CBFA2T3: variants seen among roughly 807,000 people sequenced by gnomAD.
CBFA2T3 encodes the protein transcriptional corepressor CBFA2T3.
A neutral mutation model predicts 58.6 loss-of-function variants in CBFA2T3; 31 were observed. The observed-to-expected ratio is 0.53, with a 90% CI of 0.40 to 0.71. The LOEUF (loss-of-function observed/expected upper bound fraction) is 0.71, where lower values mean the gene tolerates loss of function less well. CBFA2T3 is among the 30% of genes least tolerant of loss of function. The probability of loss-of-function intolerance (pLI) is 0.00; values close to 1 mark genes in which losing one functional copy is unlikely to be tolerated. For synonymous variants in CBFA2T3, 531 were observed against 421.9 expected, an observed-to-expected ratio of 1.26 and a Z score of -3.17; for missense variants, 1,076 against 963.1, an observed-to-expected ratio of 1.12 and a Z score of -1.55.
At chr16:88,974,534 G>A (rs764300937) in intron 1 of CBFA2T3, among the ~76,000 whole-genome samples, 1 of 152,122 alleles carries the variant, frequency 6.6e-6, no homozygotes, top group African/African-American at 2.4e-5. Context: ...TCTCCTGCCC[G>A]CCACCAAACG....
chr16:88,890,291 G>A (rs891010009), intron 5 of CBFA2T3, among the ~76,000 whole-genome samples: 2 of 152,152 alleles, frequency 1.3e-5, no homozygotes, highest in South Asian at 2.1e-4. Flanking sequence ...TACAGAAACC[G>A]AAGCACAGAG....
At chr16:88,918,811 G>A (rs74390031) in intron 1 of CBFA2T3, among the ~76,000 whole-genome samples, 1 of 152,334 alleles carries the variant, frequency 6.6e-6, no homozygotes, top group East Asian at 1.9e-4. Flanking sequence ...GGAGCCACAC[G>A]GCCTCCAGGG....
Position 88,875,375 on chromosome 16 carries a change from A to G in CBFA2T3, c.*1601T>C, listed in dbSNP as rs1054364189. On this transcript the variant is annotated 3_prime_UTR_variant, in exon 12 of 12. Transcript: ENST00000268679. The stretch of plus-strand genomic sequence containing the variant: ...TGGAGGATGGGAGGGAGCACGTCTG[A>G]TAGAAAACGTCACCGAGACACACCC... 1.2e-4 allele frequency: 27 copies of G among 233,426 alleles called. No individual in the cohort carries two copies. The highest frequency in any genetic ancestry group is 5.7e-4 in the African/African-American group (26 of 45,278). The allele number at this position is 233,426 out of a possible 1,614,324, so 14.5% of individuals were successfully genotyped here.
At chr16:88,935,258 T>C (rs887101119) in intron 1 of CBFA2T3, among the ~76,000 whole-genome samples, 1 of 152,196 alleles carries the variant, frequency 6.6e-6, no homozygotes, top group Non-Finnish European at 1.5e-5. Context: ...CCATGTCCAC[T>C]GCGCTCTGAG....
Position 88,891,954 on chromosome 16 carries a change from G to C in CBFA2T3, c.639C>G (p.Ile213Met). The change falls in exon 5 of 12, where the codon ATC becomes ATG. Residue 213 changes from isoleucine (I) to methionine (M), a missense_variant. Coordinates refer to ENST00000268679, the MANE Select transcript of CBFA2T3 (RefSeq NM_005187.6). Reference protein sequence around the residue: ...VLGLVNSTLTIEEFHSKLQEA... With the variant: ...VLGLVNSTLTMEEFHSKLQEA... ...CCTGAAGCTTGGAATGAAACTCCTC[G>C]ATCGTCAATGTCGAGTTCTGCAGGG... 6.2e-7 allele frequency: 1 copy of C among 1,612,986 alleles called. No homozygotes were observed. Among genetic ancestry groups the C allele is most frequent in the Non-Finnish European group, 8.5e-7 (1 of 1,179,562 alleles).
chr16:88,914,792 A>T (rs1301473138), intron 1 of CBFA2T3, among the ~76,000 whole-genome samples: 1 of 152,170 alleles, frequency 6.6e-6, no homozygotes, highest in Non-Finnish European at 1.5e-5. Context: ...CTGGAGTGAA[A>T]AATCTTCCCT....
intron 1 of CBFA2T3, among the ~76,000 whole-genome samples, chr16:88,956,022 A>C (rs117749533): frequency 0.032 from 3,796 of 120,166 alleles, 80 homozygotes; most frequent in Middle Eastern, 0.19. Flanking sequence ...CCACCCAAGG[A>C]TCCTGACCCC....
At position 88,927,713 on chromosome 16, in the gene CBFA2T3, T is replaced by G. The variant is rs148484451; in HGVS notation, c.152-26057A>C. Reference sequence around the variant, plus strand: ...TGCCTGGGATGATCCCCCTTCCGCCTCCTCCTCCCCAGGCCCCGGAGGCCC... The same window carrying G: ...TGCCTGGGATGATCCCCCTTCCGCCGCCTCCTCCCCAGGCCCCGGAGGCCC... On this transcript the variant is annotated intron_variant, in intron 1 of 11. Transcript: ENST00000268679. Among the ~76,000 whole-genome samples, 939 of 152,114 alleles carry G rather than the reference T, an allele frequency of 6.2e-3. 14 individuals are homozygous for G. The highest frequency in any genetic ancestry group is 0.021 in the African/African-American group (881 of 41,474).
At chr16:88,964,802 C>A (rs544601975) in intron 1 of CBFA2T3, among the ~76,000 whole-genome samples, 142 of 151,366 alleles carry the variant, frequency 9.4e-4, no homozygotes, top group Middle Eastern at 3.4e-3. Context: ...ATCTATCCAT[C>A]CAGTCACCCA....
chr16:88,896,506 C>G (rs1009967480), intron 3 of CBFA2T3, among the ~76,000 whole-genome samples: 1 of 152,210 alleles, frequency 6.6e-6, no homozygotes, highest in Non-Finnish European at 1.5e-5. Flanking sequence ...CTCTCGCCTT[C>G]TGAGCCTCTG....
Position 88,976,736 on chromosome 16 carries a change from C to T in CBFA2T3, c.72G>A (p.Gln24=), listed in dbSNP as rs1425453579. 3.2e-6 allele frequency: 5 copies of T among 1,557,686 alleles called. No individual in the cohort carries two copies. The highest frequency in any genetic ancestry group is 4.3e-6 in the Non-Finnish European group (5 of 1,150,652). Residue 24 remains glutamine, a synonymous_variant, in exon 1 of 12, where the codon CAG becomes CAA. Coordinates refer to ENST00000268679, the MANE Select transcript of CBFA2T3 (RefSeq NM_005187.6). ...ASGSTCGSMS[Q]THPVLESGLL... ...GGCCGCTCTCCAGCACAGGGTGCGT[C>T]TGGGACATGGAGCCACAGGTGGATC...
intron 3 of CBFA2T3, among the ~76,000 whole-genome samples, chr16:88,897,759 C>T (rs189753162): frequency 1.5e-4 from 23 of 152,350 alleles, no homozygotes; most frequent in Non-Finnish European, 2.9e-4. Flanking sequence ...GACAGTGTCT[C>T]GCCCCTCCCC....
intron 1 of CBFA2T3, among the ~76,000 whole-genome samples, chr16:88,968,037 T>G (rs1972557952): frequency 6.6e-6 from 1 of 152,252 alleles, no homozygotes; most frequent in African/African-American, 2.4e-5. Context: ...CTAAAGTGAC[T>G]GAAATTCTGT....
chr16:88,931,259 C>G (rs1309939530), intron 1 of CBFA2T3, among the ~76,000 whole-genome samples: 2 of 152,096 alleles, frequency 1.3e-5, no homozygotes, highest in Non-Finnish European at 2.9e-5. Context: ...ACTGCTGTGA[C>G]TCCAGCCCTG....
chr16:88,976,051 G>T (rs932281030), intron 1 of CBFA2T3, among the ~76,000 whole-genome samples: 1 of 152,222 alleles, frequency 6.6e-6, no homozygotes, highest in African/African-American at 2.4e-5. Context: ...CTCGGGTGGG[G>T]GGTATCAGCA....
chr16:88,888,579 G>GGGGCTACTCCCT (rs1969490484), intron 5 of CBFA2T3, among the ~76,000 whole-genome samples: 1 of 59,006 alleles, frequency 1.7e-5, no homozygotes, highest in Non-Finnish European at 3.3e-5. Flanking sequence ...GGGGTGGGAG[G>GGGGCTACTCCCT]GGGTGGGGTG....
chr16:88,889,809 G>A (rs1969551357), intron 5 of CBFA2T3, among the ~76,000 whole-genome samples: 1 of 141,724 alleles, frequency 7.1e-6, no homozygotes, highest in Non-Finnish European at 1.5e-5. Flanking sequence ...CTCCTCCAGG[G>A]ACACTTCAAA....
At chr16:88,906,306 AT>A (rs1970330783) in intron 1 of CBFA2T3, among the ~76,000 whole-genome samples, 1 of 151,894 alleles carries the variant, frequency 6.6e-6, no homozygotes, top group Non-Finnish European at 1.5e-5. Flanking sequence ...GCCACAGGCC[AT>A]TTCTACTCCG....
At chr16:88,934,271 C>A (rs887415479) in intron 1 of CBFA2T3, among the ~76,000 whole-genome samples, 2 of 152,198 alleles carry the variant, frequency 1.3e-5, no homozygotes, top group African/African-American at 4.8e-5. Flanking sequence ...GAAGGGCTGC[C>A]CCACAGTGGC....
Sources: gnomAD v4.1 joint callset for allele counts (sites outside exome capture counted in the v4.1 genomes callset) on GRCh38, gnomAD v4.1.1 for gene constraint, MANE v1.5 for transcripts, NCBI Gene and HGNC (gene_info 2026-07-23, HGNC 2026-07-21) for gene names.